PCNX2: variants seen among roughly 807,000 people sequenced by gnomAD.
PCNX2 encodes pecanex-like protein 2.
A neutral mutation model predicts 223.8 loss-of-function variants in PCNX2; 168 were observed. That is an observed-to-expected ratio of 0.75 (90% CI 0.66 to 0.85). The LOEUF is 0.85. PCNX2 is among the 40% of genes least tolerant of loss of function. The probability of loss-of-function intolerance (pLI) is 0.00; values close to 1 mark genes in which losing one functional copy is unlikely to be tolerated. For missense variants in PCNX2, 2,507 were observed against 2,675.5 expected (o/e 0.94, Z 1.39); for synonymous variants, 1,006 against 1,052.6 (o/e 0.96, Z 0.86).
the PCNX2 span, among the ~76,000 whole-genome samples, chr1:233,313,278 T>C: frequency 7.2e-5 from 11 of 152,258 alleles, no homozygotes; most frequent in South Asian, 2.1e-4. Context: ...TTGTATTCAG[T>C]ATGAATAAAT....
intron 28 of PCNX2, among the ~76,000 whole-genome samples, chr1:233,006,695 T>A (rs568532420): frequency 6.6e-6 from 1 of 152,318 alleles, no homozygotes; most frequent in African/African-American, 2.4e-5. Context: ...TCCAGCACAA[T>A]GACTGATTTG....
At chr1:233,285,051 G>A (rs1661377731) in intron 1 of PCNX2, 1 of 979,340 alleles carries the variant, frequency 1.0e-6, no homozygotes, top group Non-Finnish European at 1.2e-6. Context: ...TGTTGGACAT[G>A]TAGTATAAAT....
chr1:232,985,995 G>A (rs1175913321), intron 33 of PCNX2, 97 bp downstream of exon 33: 2 of 1,323,788 alleles, frequency 1.5e-6, no homozygotes, highest in Non-Finnish European at 1.1e-6. Flanking sequence ...GGGTTCTGCA[G>A]GCAGAAGGGT....
At chr1:232,985,683 A>T (rs1669448267) in intron 33 of PCNX2, 1 of 450,554 alleles carries the variant, frequency 2.2e-6, no homozygotes, top group Admixed American at 3.9e-5. Context: ...TTGGCTGAGA[A>T]GCAGTGAAGC....
At chr1:233,176,603 T>C (rs1400192521) in intron 17 of PCNX2, among the ~76,000 whole-genome samples, 3 of 152,214 alleles carry the variant, frequency 2.0e-5, no homozygotes, top group Non-Finnish European at 4.4e-5. Context: ...CCACCTGCTG[T>C]TTGGTGCCAG....
chr1:233,092,761 C>T (rs907605489), intron 22 of PCNX2, among the ~76,000 whole-genome samples: 3 of 152,152 alleles, frequency 2.0e-5, no homozygotes, highest in African/African-American at 4.8e-5. Context: ...TAAAAGCACA[C>T]TTAAAATGAA....
At position 233,148,557 on chromosome 1, in the gene PCNX2, C is replaced by T. The variant is rs182361343; in HGVS notation, c.3518-8702G>A. 6.6e-5 allele frequency among the ~76,000 whole-genome samples: 10 copies of T among 151,918 alleles called. No homozygotes were observed. The East Asian group carries it at 1.4e-3, about 21-fold the overall frequency. On this transcript the variant is annotated intron_variant, in intron 19 of 33. Transcript: ENST00000258229. ...CTGGGATTACATGAGTGTGCCACTA[C>T]GCCAGGCTAATTTTTTGTATTTTTA... is the stretch of plus-strand genomic sequence containing the variant.
In PCNX2 at chr1:232,984,352, C is replaced by T. The variant is rs1242764816; in HGVS notation, c.6366G>A (p.Met2122Ile). 1 of 1,613,366 alleles carries T rather than the reference C, an allele frequency of 6.2e-7. No homozygotes were observed. Among genetic ancestry groups the T allele is most frequent in the Non-Finnish European group, 8.5e-7 (1 of 1,179,742 alleles). ...VVCRRASQED[M>I]GLDDTASQQS... is the part of the protein sequence containing the mutation. The stretch of plus-strand genomic sequence containing the variant: ...GCTGCGAGGCCGTGTCGTCCAGGCC[C>T]ATGTCCTCCTGGCTTGCTCTCCTGC... The change falls in exon 34 of 34, where the codon ATG (methionine) becomes ATA (isoleucine). Residue 2122 changes from methionine (M) to isoleucine (I), a missense_variant. This residue lies in a region of PCNX2 where 1,372 missense variants were observed against 1,509.4 expected (regional missense o/e 0.91). Coordinates refer to ENST00000258229, the MANE Select transcript of PCNX2 (RefSeq NM_014801.4).
chr1:233,124,950 A>T (rs1676014338), intron 21 of PCNX2, among the ~76,000 whole-genome samples: 1 of 152,210 alleles, frequency 6.6e-6, no homozygotes, highest in African/African-American at 2.4e-5. Flanking sequence ...CCAAATACCC[A>T]CATTTAAATA....
At chr1:233,144,367 G>C (rs1677304793) in intron 19 of PCNX2, among the ~76,000 whole-genome samples, 1 of 152,044 alleles carries the variant, frequency 6.6e-6, no homozygotes, top group South Asian at 2.1e-4. Flanking sequence ...GTTTACTCCA[G>C]TCATCAAAAC....
intron 1 of PCNX2, among the ~76,000 whole-genome samples, chr1:233,280,298 CTTTTT>C (rs34738587): frequency 8.6e-6 from 1 of 115,850 alleles, no homozygotes; most frequent in Non-Finnish European, 1.8e-5. Context: ...TCCATATTAC[CTTTTT>C]TTTTTTTTTT....
At chr1:233,150,876 C>A (rs910845035) in intron 19 of PCNX2, among the ~76,000 whole-genome samples, 1 of 152,026 alleles carries the variant, frequency 6.6e-6, no homozygotes, top group South Asian at 2.1e-4. Flanking sequence ...TCAATTAACA[C>A]CAAACCATAA....
In PCNX2 at chr1:233,238,289, C is replaced by T. The variant is rs138813719; in HGVS notation, c.2223-1309G>A. 7.9e-3 allele frequency among the ~76,000 whole-genome samples: 1,201 copies of T among 152,290 alleles called. 8 individuals carry two copies. The highest frequency in any genetic ancestry group is 0.016 in the South Asian group (75 of 4,828). On this transcript the variant is annotated intron_variant, in intron 8 of 33. Coordinates refer to ENST00000258229, the MANE Select transcript of PCNX2 (RefSeq NM_014801.4). The stretch of plus-strand genomic sequence containing the variant: ...TTCCCTTCTGATTTATAATCTACAC[C>T]TTTCATGATAAAGTTTCTGACAATC...
At chr1:233,062,285 G>C (rs1197267904) in intron 23 of PCNX2, among the ~76,000 whole-genome samples, 1 of 152,026 alleles carries the variant, frequency 6.6e-6, no homozygotes, top group Admixed American at 6.5e-5. Flanking sequence ...GTTTGTGCAT[G>C]TGTGTATATA....
chr1:233,175,919 T>A (rs1375994811), intron 17 of PCNX2, among the ~76,000 whole-genome samples: 1 of 152,190 alleles, frequency 6.6e-6, no homozygotes. Flanking sequence ...TTTAAGGCTA[T>A]CATGTTGGCT....
intron 15 of PCNX2, among the ~76,000 whole-genome samples, chr1:233,197,047 A>G (rs943867103): frequency 1.5e-4 from 23 of 152,142 alleles, no homozygotes; most frequent in African/African-American, 5.3e-4. Context: ...TCATGCCCTG[A>G]CAGATTTGAT....
At chr1:233,261,215 G>A (rs993674063) in intron 4 of PCNX2, 70 bp downstream of exon 4, 1 of 1,395,800 alleles carries the variant, frequency 7.2e-7, no homozygotes, top group Non-Finnish European at 1.0e-6. Flanking sequence ...CTGGCATTCT[G>A]TTTTATAAAA....
At chr1:233,235,054 T>C (rs537024737) in intron 9 of PCNX2, among the ~76,000 whole-genome samples, 1 of 151,938 alleles carries the variant, frequency 6.6e-6, no homozygotes, top group South Asian at 2.1e-4. Context: ...ACCCGGTGAC[T>C]GGACTAAGGG....
At chr1:233,212,232 C>T (rs1021113236) in intron 12 of PCNX2, among the ~76,000 whole-genome samples, 3 of 152,064 alleles carry the variant, frequency 2.0e-5, no homozygotes, top group Non-Finnish European at 2.9e-5. Context: ...TGTGACCCTA[C>T]ACAGCAAATA....
Sources: gnomAD v4.1 joint callset for allele counts (sites outside exome capture counted in the v4.1 genomes callset) on GRCh38, gnomAD v4.1.1 for gene constraint, gnomAD v4.1.1 regional missense constraint, MANE v1.5 for transcripts, NCBI Gene and HGNC (gene_info 2026-07-23, HGNC 2026-07-21) for gene names.